The following ZNF536 variants were observed in gnomAD, a reference collection of about 807,000 sequenced individuals.
The protein encoded by ZNF536 is zinc finger protein 536.
In ZNF536, 13 loss-of-function variants were observed where a neutral mutation model predicts 84.5. The observed-to-expected ratio is 0.15, with a 90% CI of 0.10 to 0.24. The LOEUF (loss-of-function observed/expected upper bound fraction) is 0.24, where lower values mean the gene tolerates loss of function less well. Among genes scored for constraint, ZNF536 ranks in the 10% least tolerant of loss-of-function variants. ZNF536 has a pLI of 1.00. For synonymous variants in ZNF536, 811 were observed against 742.5 expected, an observed-to-expected ratio of 1.09 and a Z score of -1.50; for missense variants, 1,536 against 1,747.5, an observed-to-expected ratio of 0.88 and a Z score of 2.16.
intron 1 of ZNF536, among the ~76,000 whole-genome samples, chr19:30,610,872 A>T (rs932119579): frequency 3.3e-5 from 5 of 152,108 alleles, no homozygotes; most frequent in Non-Finnish European, 7.4e-5. Context: ...ATTCTTCAGA[A>T]ATTTATCAAA....
At chr19:30,472,081 A>G (rs1485683582) in intron 2 of ZNF536, among the ~76,000 whole-genome samples, 11 of 152,238 alleles carry the variant, frequency 7.2e-5, no homozygotes, top group Admixed American at 6.5e-5. Context: ...TCTCAGGTGC[A>G]TACCTGCGGA....
At position 30,590,684 on chromosome 19, in the gene ZNF536, C is replaced by T. The variant is rs150786406; in HGVS notation, c.169+41170C>T. Reference sequence around the variant, plus strand: ...AGATGTGGGGCAGAAGACTGGAGTCCAGGTCTCACTGTACTGTGACCTCAC... The same window carrying T: ...AGATGTGGGGCAGAAGACTGGAGTCTAGGTCTCACTGTACTGTGACCTCAC... On this transcript the variant is annotated intron_variant, in intron 1 of 1. Transcript: ENST00000592773. 8.0e-4 allele frequency among the ~76,000 whole-genome samples: 122 copies of T among 152,272 alleles called. 1 individual carries two copies. The highest frequency in any genetic ancestry group is 2.6e-3 in the African/African-American group (107 of 41,554).
At chr19:30,615,447 A>AGTT (rs1334020904) in intron 1 of ZNF536, among the ~76,000 whole-genome samples, 1 of 152,066 alleles carries the variant, frequency 6.6e-6, no homozygotes, top group Non-Finnish European at 1.5e-5. Context: ...ATGTGAGTTT[A>AGTT]CCCTAGTTCA....
At position 30,549,487 on chromosome 19, in the gene ZNF536, G is replaced by A. The variant is rs2146259034; in HGVS notation, c.3868G>A (p.Gly1290Arg). The A allele has an allele frequency of 6.6e-7, 1 of 1,515,290 alleles. No individual in the cohort carries two copies. Among genetic ancestry groups the A allele is most frequent in the Non-Finnish European group, 8.8e-7 (1 of 1,132,210 alleles). The allele number at this position is 1,515,290 out of a possible 1,614,324, so 93.9% of individuals were successfully genotyped here. Residue 1290 changes from glycine to arginine, a missense_variant, in exon 4 of 5, where the codon GGA (glycine) becomes AGA (arginine). Gly to Arg is a moderately radical substitution (Grantham distance 125, BLOSUM62 -2). Around this residue, in one of 8 missense-constraint regions of ZNF536, gnomAD observed 624 missense variants for 603.1 expected, o/e 1.03. Transcript: ENST00000355537. ...ACTTGCAAGTAGCACAGCAAATTCT[G>A]GATGTATCAAGAGGCCAGACTTGTG... is the stretch of plus-strand genomic sequence containing the variant. ...NGLASSTANS[G>R]CIKRPDLCGK
chr19:30,384,412 G>T (rs1470905303), intron 1 of ZNF536, among the ~76,000 whole-genome samples: 2 of 145,548 alleles, frequency 1.4e-5, no homozygotes, highest in African/African-American at 5.1e-5. Flanking sequence ...GCAGACCACA[G>T]GCTGTGTTAA....
intron 1 of ZNF536, among the ~76,000 whole-genome samples, chr19:30,626,397 G>A (rs181146948): frequency 5.3e-5 from 8 of 151,808 alleles, no homozygotes; most frequent in Admixed American, 2.6e-4. Flanking sequence ...GTGCTCTTTA[G>A]TATCATTTTA....
chr19:30,598,405 G>A (rs1189211783), intron 1 of ZNF536, among the ~76,000 whole-genome samples: 5 of 152,124 alleles, frequency 3.3e-5, no homozygotes, highest in Admixed American at 1.3e-4. Context: ...GGGTGCCCAC[G>A]AAATCCCCTC....
At chr19:30,277,834 C>A (rs1297936807) in intron 1 of ZNF536, among the ~76,000 whole-genome samples, 1 of 152,214 alleles carries the variant, frequency 6.6e-6, no homozygotes, top group African/African-American at 2.4e-5. Flanking sequence ...TGTCGAATAA[C>A]AGCTCAGGCA....
upstream of ZNF536, among the ~76,000 whole-genome samples, chr19:30,369,234 G>A (rs191932189): frequency 3.9e-4 from 59 of 152,258 alleles, no homozygotes; most frequent in East Asian, 0.01. Context: ...AAGAGCACAA[G>A]GTTAAATTTT....
At position 30,548,227 on chromosome 19, in the gene ZNF536, T is replaced by C; in HGVS notation, c.2608T>C (p.Ser870Pro). Residue 870 changes from serine (S) to proline (P), a missense_variant, in exon 4 of 5, where the codon TCG becomes CCG. By Grantham distance (74) the Ser-to-Pro change is moderately conservative. Around this residue, in one of 8 missense-constraint regions of ZNF536, gnomAD observed 624 missense variants for 603.1 expected, o/e 1.03. Transcript: ENST00000355537. ...AGGGGTTCTCTCCTCTGGAGATCAC[T>C]CGGGGCAGGCCACGGGCATGTCTTC... ...TSGVLSSGDHSGQATGMSSEV... is the reference protein window; with the variant it reads ...TSGVLSSGDHPGQATGMSSEV... 2 of 1,614,150 alleles carry C rather than the reference T, an allele frequency of 1.2e-6. No individual in the cohort carries two copies. Among genetic ancestry groups the C allele is most frequent in the Non-Finnish European group, 1.7e-6 (2 of 1,180,016 alleles).
chr19:30,402,282 T>G (rs1207486701), intron 1 of ZNF536, among the ~76,000 whole-genome samples: 1 of 152,062 alleles, frequency 6.6e-6, no homozygotes, highest in Non-Finnish European at 1.5e-5. Context: ...ACAACAGCAC[T>G]TTGTTCAATC....
intron 1 of ZNF536, among the ~76,000 whole-genome samples, chr19:30,586,998 G>A (rs1447046767): frequency 1.3e-5 from 2 of 152,124 alleles, no homozygotes; most frequent in Admixed American, 6.5e-5. Flanking sequence ...TATTCTATAA[G>A]GGACTCTCTA....
intron 1 of ZNF536, among the ~76,000 whole-genome samples, chr19:30,658,433 G>T (rs2049999045): frequency 6.6e-6 from 1 of 152,052 alleles, no homozygotes; most frequent in Admixed American, 6.6e-5. Flanking sequence ...CCAACCCACA[G>T]ATCTTCTCTC....
intron 1 of ZNF536, among the ~76,000 whole-genome samples, chr19:30,403,620 G>T (rs1376662814): frequency 6.6e-6 from 1 of 152,208 alleles, no homozygotes; most frequent in East Asian, 1.9e-4. Context: ...CCGCTTTATT[G>T]AAGTTGGTGA....
intron 2 of ZNF536, among the ~76,000 whole-genome samples, chr19:30,321,996 G>A (rs2867025): frequency 0.34 from 52,381 of 151,896 alleles, 9,840 homozygotes; most frequent in Middle Eastern, 0.45. Flanking sequence ...GGCAGGTCTC[G>A]AACTCCTGAT....
At chr19:30,430,407 C>T (rs1356804313) in intron 1 of ZNF536, among the ~76,000 whole-genome samples, 3 of 152,066 alleles carry the variant, frequency 2.0e-5, no homozygotes, top group Admixed American at 6.6e-5. Flanking sequence ...CTGGTGAAGC[C>T]GATGGTCACA....
At chr19:30,707,699 G>T (rs1249233202) in intron 1 of ZNF536, among the ~76,000 whole-genome samples, 1 of 152,206 alleles carries the variant, frequency 6.6e-6, no homozygotes, top group Non-Finnish European at 1.5e-5. Context: ...AGAAGAAGCA[G>T]AAGCACTATC....
intron 1 of ZNF536, among the ~76,000 whole-genome samples, chr19:30,616,759 A>G (rs1012133154): frequency 6.6e-6 from 1 of 152,210 alleles, no homozygotes; most frequent in Non-Finnish European, 1.5e-5. Flanking sequence ...TGATAAAATT[A>G]ACCTGTGAAA....
intron 1 of ZNF536, among the ~76,000 whole-genome samples, chr19:30,706,188 G>A (rs1399657805): frequency 6.6e-6 from 1 of 152,142 alleles, no homozygotes; most frequent in Non-Finnish European, 1.5e-5. Context: ...ACAATCGAAA[G>A]TACAATAGAC....
Sources: allele counts gnomAD v4.1 joint callset (sites outside exome capture counted in the v4.1 genomes callset), GRCh38; gene constraint gnomAD v4.1.1; regional missense constraint gnomAD v4.1.1; transcripts MANE v1.5; gene names NCBI Gene and HGNC (gene_info 2026-07-23, HGNC 2026-07-21).